PCDHA2: variants seen among roughly 807,000 people sequenced by gnomAD.
The protein encoded by PCDHA2 is protocadherin alpha-2.
Under a neutral mutation model 66.0 loss-of-function variants are expected in PCDHA2, and 58 were observed. The ratio of observed to expected loss-of-function variants is 0.88; its 90% CI spans 0.71 to 1.09. PCDHA2 has a LOEUF of 1.09. Among genes scored for constraint, PCDHA2 ranks in the 50% least tolerant of loss-of-function variants. PCDHA2 has a pLI of 0.00. For synonymous variants in PCDHA2, 634 were observed against 554.0 expected (o/e 1.14, Z -2.03); for missense variants, 1,267 against 1,242.3 (o/e 1.02, Z -0.30).
intron 1 of PCDHA2, chr5:140,803,012 G>T (rs138097279): frequency 1.2e-6 from 2 of 1,613,936 alleles, no homozygotes; most frequent in Admixed American, 1.7e-5. Flanking sequence ...GCTACAACGC[G>T]TGGCTTTCGT....
At chr5:140,997,572 G>T (rs1457109655) in intron 3 of PCDHA2, among the ~76,000 whole-genome samples, 1 of 152,068 alleles carries the variant, frequency 6.6e-6, no homozygotes, top group Non-Finnish European at 1.5e-5. Context: ...CATATGTGTG[G>T]TCCGTTGTTG....
intron 1 of PCDHA2, chr5:140,871,324 T>G (rs1554165430): frequency 3.1e-6 from 5 of 1,614,048 alleles, no homozygotes; most frequent in Non-Finnish European, 4.2e-6. Flanking sequence ...GCTGGTGTGC[T>G]CCCGCGCGGT....
intron 3 of PCDHA2, among the ~76,000 whole-genome samples, chr5:140,998,364 C>T (rs2097808386): frequency 6.6e-6 from 1 of 152,192 alleles, no homozygotes; most frequent in South Asian, 2.1e-4. Flanking sequence ...AACCACTGCA[C>T]ACACCGTCTC....
chr5:140,835,137 C>T, intron 1 of PCDHA2: 3 of 1,385,246 alleles, frequency 2.2e-6, no homozygotes, highest in South Asian at 2.7e-5. Context: ...GGTGAAATTA[C>T]CAGAAAACGT....
chr5:140,822,953 C>G (rs2150120717), intron 1 of PCDHA2: 1 of 1,614,236 alleles, frequency 6.2e-7, no homozygotes, highest in East Asian at 2.2e-5. Context: ...CCCCACGTTC[C>G]CTTCAAGCTG....
chr5:140,886,401 A>G (rs2060965059), intron 1 of PCDHA2, among the ~76,000 whole-genome samples: 1 of 152,174 alleles, frequency 6.6e-6, no homozygotes, highest in African/African-American at 2.4e-5. Flanking sequence ...TGCATCACAA[A>G]TATGTTTTCC....
At chr5:140,821,267 A>G (rs1472795848) in intron 1 of PCDHA2, among the ~76,000 whole-genome samples, 1 of 152,200 alleles carries the variant, frequency 6.6e-6, no homozygotes, top group Non-Finnish European at 1.5e-5. Context: ...AGTTATTTTT[A>G]TCAGTTTGGA....
At chr5:140,807,592 A>T in intron 1 of PCDHA2, 2 of 1,613,950 alleles carry the variant, frequency 1.2e-6, no homozygotes, top group Non-Finnish European at 1.7e-6. Flanking sequence ...TGTTCCCAGC[A>T]ACACAAAAGA....
chr5:140,862,674 C>A (rs782474067), intron 1 of PCDHA2: 5 of 549,972 alleles, frequency 9.1e-6, no homozygotes, highest in Non-Finnish European at 1.5e-5. Context: ...CGCAGGAGAA[C>A]GTGCTGGTGT....
chr5:140,802,368 C>A (rs781811725), intron 1 of PCDHA2: 1 of 1,614,230 alleles, frequency 6.2e-7, no homozygotes, highest in Non-Finnish European at 8.5e-7. Context: ...CTCGCTGACG[C>A]CCCACGTCCC....
chr5:140,976,770 C>T (rs2096730456), intron 1 of PCDHA2, among the ~76,000 whole-genome samples: 1 of 152,162 alleles, frequency 6.6e-6, no homozygotes, highest in Non-Finnish European at 1.5e-5. Flanking sequence ...GCCTGCTAGA[C>T]TCTGACTATA....
intron 1 of PCDHA2, among the ~76,000 whole-genome samples, chr5:140,878,611 T>A (rs1167613009): frequency 2.0e-5 from 3 of 152,236 alleles, no homozygotes; most frequent in Non-Finnish European, 4.4e-5. Context: ...TCTTCTAATG[T>A]GCATTTTACA....
intron 1 of PCDHA2, among the ~76,000 whole-genome samples, chr5:140,903,723 A>G (rs1361598477): frequency 6.6e-6 from 1 of 152,210 alleles, no homozygotes; most frequent in Non-Finnish European, 1.5e-5. Flanking sequence ...AATTCTCCCT[A>G]TTATCAATTA....
At chr5:140,858,089 G>T in intron 1 of PCDHA2, 2 of 1,597,872 alleles carry the variant, frequency 1.3e-6, no homozygotes, top group East Asian at 2.2e-5. Flanking sequence ...CTCGTCGCGG[G>T]CTTCAGTGGG....
intron 1 of PCDHA2, among the ~76,000 whole-genome samples, chr5:140,925,561 G>A (rs972926230): frequency 6.6e-6 from 1 of 151,674 alleles, no homozygotes; most frequent in African/African-American, 2.4e-5. Flanking sequence ...ACAAGTTAAT[G>A]GGTGCAGCAC....
At chr5:140,848,904 CAAA>C in intron 1 of PCDHA2, 1 of 1,608,060 alleles carries the variant, frequency 6.2e-7, no homozygotes, top group Non-Finnish European at 8.5e-7. Context: ...CCCAGCGACA[CAAA>C]AGAATCTGTT....
At chr5:140,828,069 AAAT>A (rs2150150559) in intron 1 of PCDHA2, 3 of 1,564,606 alleles carry the variant, frequency 1.9e-6, no homozygotes, top group Non-Finnish European at 2.6e-6. Flanking sequence ...CTTCTAATGG[AAAT>A]AAAACCAGAG....
rs782153529 is a variant in PCDHA2, at chr5:140,871,456, G to T, written c.2388+74104G>T. 3.1e-6 allele frequency: 5 copies of T among 1,607,166 alleles called. No homozygotes were observed. The South Asian group carries it at 4.4e-5, about 14-fold the overall frequency. On this transcript the variant is annotated intron_variant, in intron 1 of 3. Coordinates refer to ENST00000526136, the MANE Select transcript of PCDHA2 (RefSeq NM_018905.3). ...TCTAGGTCTGAATAAAGAGGAGGAA[G>T]GGGAAAGACAGGAGCCAGGGTCAAA...
rs577527606 is a variant in PCDHA2 at position 140,882,595 on chromosome 5, C to A, written c.2388+85243C>A. 3.7e-6 allele frequency: 6 copies of A among 1,614,204 alleles called. No individual in the cohort carries two copies. The African/African-American group carries it at 8.0e-5, about 22-fold the overall frequency. On this transcript the variant is annotated intron_variant, in intron 1 of 3. Coordinates refer to ENST00000526136, the MANE Select transcript of PCDHA2 (RefSeq NM_018905.3). ...AGTGCAGCATCCACCTGGAGGTGAT[C>A]GTGGACAGGCCTCTGCAGGTTTTCC...
Sources: gnomAD v4.1 joint callset for allele counts (sites outside exome capture counted in the v4.1 genomes callset) on GRCh38, gnomAD v4.1.1 for gene constraint, MANE v1.5 for transcripts, NCBI Gene and HGNC (gene_info 2026-07-23, HGNC 2026-07-21) for gene names.